ARHGAP29: variants seen among roughly 807,000 people sequenced by gnomAD.
ARHGAP29 encodes rho GTPase-activating protein 29.
ARHGAP29 carries 43 observed loss-of-function variants against 122.6 expected under a neutral mutation model. That is an observed-to-expected ratio of 0.35 (90% CI 0.27 to 0.45). The LOEUF is 0.45. Ranked by LOEUF, ARHGAP29 falls within the 20% of genes least tolerant of loss-of-function variation. The pLI is 1.00. For synonymous variants in ARHGAP29, 506 were observed against 497.1 expected (o/e 1.02, Z -0.24); for missense variants, 1,303 against 1,477.2 (o/e 0.88, Z 1.93).
upstream of ARHGAP29, among the ~76,000 whole-genome samples, chr1:94,275,276 C>T (rs1655142240): frequency 1.3e-5 from 2 of 152,158 alleles, no homozygotes; most frequent in African/African-American, 4.8e-5. Flanking sequence ...CTATTTATTG[C>T]CATGGCTACA....
At chr1:94,198,065 C>A (rs1316509660) in intron 12 of ARHGAP29, among the ~76,000 whole-genome samples, 1 of 152,196 alleles carries the variant, frequency 6.6e-6, no homozygotes, top group African/African-American at 2.4e-5. Flanking sequence ...TTGCAGGTAA[C>A]ATAGTTTTCT....
intron 5 of ARHGAP29, among the ~76,000 whole-genome samples, chr1:94,206,384 G>A (rs1003999488): frequency 3.9e-5 from 6 of 152,000 alleles, no homozygotes; most frequent in East Asian, 1.9e-4. Context: ...GGCAATACAG[G>A]GTATACAGGG....
chr1:94,295,170 A>T, the ARHGAP29 span, among the ~76,000 whole-genome samples: 1 of 152,204 alleles, frequency 6.6e-6, no homozygotes, highest in Non-Finnish European at 1.5e-5. Flanking sequence ...AAGAACAGTG[A>T]TAACAATTTG....
At chr1:94,260,625 G>T (rs1352313316) in intron 1 of ARHGAP29, among the ~76,000 whole-genome samples, 1 of 152,106 alleles carries the variant, frequency 6.6e-6, no homozygotes, top group African/African-American at 2.4e-5. Context: ...GCTTTGTAGG[G>T]GTATGGGGGA....
upstream of ARHGAP29, among the ~76,000 whole-genome samples, chr1:94,241,715 AT>A (rs1017807172): frequency 4.6e-3 from 53 of 11,540 alleles, 1 homozygote; most frequent in Admixed American, 0.012. Flanking sequence ...ATGATATATA[AT>A]TTATATATAA....
intron 3 of ARHGAP29, among the ~76,000 whole-genome samples, chr1:94,212,113 T>C (rs530355286): frequency 6.6e-6 from 1 of 152,296 alleles, no homozygotes; most frequent in African/African-American, 2.4e-5. Flanking sequence ...ACCCCGTCTC[T>C]ACTAAAAGTA....
chr1:94,234,968 A>G (rs1273431516), intron 1 of ARHGAP29, among the ~76,000 whole-genome samples: 2 of 152,156 alleles, frequency 1.3e-5, no homozygotes, highest in African/African-American at 2.4e-5. Context: ...TAAAATAGTA[A>G]CCCAAACTTT....
chr1:94,211,287 C>CA lies in ARHGAP29; in HGVS notation c.341-1938dup, dbSNP rs71094285. Among the ~76,000 whole-genome samples the CA allele has an allele frequency of 8.4e-3, 301 of 35,982 alleles. 43 individuals carry two copies. The highest frequency in any genetic ancestry group is 0.03 in the African/African-American group (271 of 9,026). 23.6% of individuals were successfully genotyped at this position (35,982 alleles called of 152,430 possible). A position where few individuals can be genotyped will look rare whatever the true frequency, so the allele number is the denominator to read the frequency against. On this transcript the variant is annotated intron_variant, in intron 3 of 22. Transcript: ENST00000260526. ...GGGCGACAGAGCAAGGCTCTGGCTC[C>CA]AAAAAAAAAAAAAAAAAAAAAAAAA... is the stretch of plus-strand genomic sequence containing the variant.
At chr1:94,271,039 G>A (rs1052125699) in intron 1 of ARHGAP29, among the ~76,000 whole-genome samples, 9 of 152,232 alleles carry the variant, frequency 5.9e-5, no homozygotes, top group Non-Finnish European at 1.0e-4. Context: ...CAACCAAGAT[G>A]TTGGCTGAGC....
At chr1:94,201,946 A>G in intron 11 of ARHGAP29, 89 bp from the exon 12 acceptor site, 1 of 1,220,700 alleles carries the variant, frequency 8.2e-7, no homozygotes, top group Admixed American at 2.8e-5. Flanking sequence ...GAAATAACTG[A>G]AAATTCTGAA....
At chr1:94,209,509 CTTCA>C (rs1385945712) in intron 3 of ARHGAP29, among the ~76,000 whole-genome samples, 159 bp from the exon 4 acceptor site, 11 of 152,168 alleles carry the variant, frequency 7.2e-5, no homozygotes, top group Non-Finnish European at 1.6e-4. Context: ...TGTTCAAATT[CTTCA>C]TTATGAAATT....
upstream of ARHGAP29, among the ~76,000 whole-genome samples, chr1:94,275,844 T>C (rs535204500): frequency 6.6e-6 from 1 of 152,276 alleles, no homozygotes; most frequent in South Asian, 2.1e-4. Context: ...AGGTCAGTTT[T>C]TGGGTTTTGG....
chr1:94,285,895 A>G, the ARHGAP29 span, among the ~76,000 whole-genome samples: 1 of 151,658 alleles, frequency 6.6e-6, no homozygotes, highest in African/African-American at 2.4e-5. Context: ...AAAAAAGAAA[A>G]AAAAAAAGAA....
In ARHGAP29 at chr1:94,177,914, A is replaced by G. The variant is rs1307494931; in HGVS notation, c.2734T>C (p.Leu912=). 6.2e-7 allele frequency: 1 copy of G among 1,614,130 alleles called. No individual in the cohort carries two copies. The highest frequency in any genetic ancestry group is 1.1e-5 in the South Asian group (1 of 91,080). Residue 912 remains leucine (L), a synonymous_variant, in exon 21 of 23, where the codon TTA becomes CTA. Coordinates refer to ENST00000260526, the MANE Select transcript of ARHGAP29 (RefSeq NM_004815.4). ...TCAATGTCTCTTTCTTCTGGTGATA[A>G]CAGAGGCTTTGGAAAACAGCCTTGA... The part of the protein sequence containing the change: ...VDQGCFPKPL[L]SPEERDIERS...
chr1:94,273,411 T>C (rs185877166), intron 1 of ARHGAP29, among the ~76,000 whole-genome samples: 1 of 152,378 alleles, frequency 6.6e-6, no homozygotes, highest in East Asian at 1.9e-4. Flanking sequence ...AAGTAAAAGA[T>C]ACCCTTGGAA....
Position 94,178,144 on chromosome 1 carries a change from T to C in ARHGAP29, c.2504A>G (p.Asn835Ser). 1.2e-6 allele frequency: 2 copies of C among 1,613,802 alleles called. No homozygotes were observed. The highest frequency in any genetic ancestry group is 1.7e-6 in the Non-Finnish European group (2 of 1,179,830). The change falls in exon 21 of 23, where the codon AAC becomes AGC. Residue 835 changes from asparagine (N) to serine (S), a missense_variant. Transcript: ENST00000260526. ...LKRVVDHAEE[N>S]KMNSKNLGVI... The stretch of plus-strand genomic sequence containing the variant: ...CCCCAAGTTTTTGGAGTTCATCTTG[T>C]TTTCTTCTGCATGATCTACTACCCT...
Position 94,171,163 on chromosome 1 carries a change from T to G in ARHGAP29, c.*2706A>C, listed in dbSNP as rs1648714225. Among the ~76,000 whole-genome samples, 1 of 152,170 alleles carries G rather than the reference T, an allele frequency of 6.6e-6. No individual in the cohort carries two copies. The highest frequency in any genetic ancestry group is 6.5e-5 in the Admixed American group (1 of 15,274). The stretch of plus-strand genomic sequence containing the variant: ...ACTGTAACACAACGATAGCTGGGAA[T>G]AGTGTAGCCATAGTACCATCTTTAA... On this transcript the variant is annotated 3_prime_UTR_variant, in exon 23 of 23. Coordinates refer to ENST00000260526, the MANE Select transcript of ARHGAP29 (RefSeq NM_004815.4).
chr1:94,178,252 A>G (rs776521984), intron 20 of ARHGAP29, 85 bp from the exon 21 acceptor site: 2 of 1,317,230 alleles, frequency 1.5e-6, no homozygotes, highest in Non-Finnish European at 2.1e-6. Context: ...GAGAGGGTGG[A>G]GGGAAAATGA....
the ARHGAP29 span, among the ~76,000 whole-genome samples, chr1:94,295,512 C>T: frequency 3.3e-5 from 5 of 151,372 alleles, no homozygotes; most frequent in East Asian, 1.9e-4. Context: ...AGAAATGGAG[C>T]GATTCTAATT....
Sources: allele counts gnomAD v4.1 joint callset (sites outside exome capture counted in the v4.1 genomes callset), GRCh38; gene constraint gnomAD v4.1.1; transcripts MANE v1.5; gene names NCBI Gene and HGNC (gene_info 2026-07-23, HGNC 2026-07-21).